The following PIK3C3 variants were observed in gnomAD, a reference collection of about 807,000 sequenced individuals.
The protein encoded by PIK3C3 is PI3-kinase type 3.
A neutral mutation model predicts 126.1 loss-of-function variants in PIK3C3; 95 were observed. That is an observed-to-expected ratio of 0.75 (90% CI 0.64 to 0.89). PIK3C3 has a LOEUF of 0.89. Among genes scored for constraint, PIK3C3 ranks in the 40% least tolerant of loss-of-function variants. The pLI is 0.00. For synonymous variants in PIK3C3, 374 were observed against 360.0 expected (o/e 1.04, Z -0.44); for missense variants, 829 against 1,063.2 (o/e 0.78, Z 3.06).
rs1282303568 is a variant in PIK3C3 at position 42,084,753 on chromosome 18, A to G, written c.*3616A>G. 6.6e-6 allele frequency: 1 copy of G among 152,202 alleles called. No homozygotes were observed. Among genetic ancestry groups the G allele is most frequent in the East Asian group, 1.9e-4 (1 of 5,188 alleles). 9.4% of individuals were successfully genotyped at this position (152,202 alleles called of 1,614,324 possible). A position where few individuals can be genotyped will look rare whatever the true frequency, so the allele number is the denominator to read the frequency against. ...ACTGTAAGAACTAGAGTGGGAATGG[A>G]CATGTCAAAACCTCCTGGGAACCTT... On this transcript the variant is annotated 3_prime_UTR_variant, in exon 25 of 25. Coordinates refer to ENST00000262039, the MANE Select transcript of PIK3C3 (RefSeq NM_002647.4).
chr18:42,053,191 A>T (rs1383079556), intron 21 of PIK3C3, among the ~76,000 whole-genome samples: 1 of 152,208 alleles, frequency 6.6e-6, no homozygotes, highest in Non-Finnish European at 1.5e-5. Context: ...TGATCCAGCT[A>T]AGAACTCTGG....
intron 24 of PIK3C3, chr18:42,070,591 C>G (rs903471930): frequency 3.9e-5 from 6 of 152,046 alleles, no homozygotes; most frequent in Non-Finnish European, 5.9e-5. Flanking sequence ...AATAGAAGGA[C>G]TTTGGTTTAC....
At chr18:42,012,740 C>T (rs997021382) in intron 10 of PIK3C3, among the ~76,000 whole-genome samples, 5 of 152,034 alleles carry the variant, frequency 3.3e-5, no homozygotes, top group African/African-American at 4.8e-5. Flanking sequence ...CCTTTTTAGT[C>T]CAAGTTATCT....
At chr18:42,061,597 C>A (rs1568006448) in intron 22 of PIK3C3, among the ~76,000 whole-genome samples, 1 of 152,018 alleles carries the variant, frequency 6.6e-6, no homozygotes, top group Non-Finnish European at 1.5e-5. Flanking sequence ...AAAAAGTGGC[C>A]TTTAAATTTG....
chr18:42,009,595 A>G (rs971825440), intron 10 of PIK3C3, among the ~76,000 whole-genome samples: 2 of 151,086 alleles, frequency 1.3e-5, no homozygotes, highest in Admixed American at 6.6e-5. Flanking sequence ...AGACTACATT[A>G]TGTAATGTAC....
chr18:41,974,310 G>A (rs953969834), intron 4 of PIK3C3, among the ~76,000 whole-genome samples: 4 of 152,290 alleles, frequency 2.6e-5, no homozygotes, highest in Non-Finnish European at 5.9e-5. Flanking sequence ...AAGTTTGAAA[G>A]CCTGCTTTTC....
rs1385347082 is a variant in PIK3C3 at position 42,084,943 on chromosome 18, A to T, written c.*3806A>T. On this transcript the variant is annotated 3_prime_UTR_variant, in exon 25 of 25. Coordinates refer to ENST00000262039, the MANE Select transcript of PIK3C3 (RefSeq NM_002647.4). ...AGATTCCACAGGCCAGTGTCAGGGAACAGGGGCCAGGGCTGGGAAGGCATA... is the reference window on the plus strand; with the variant it reads ...AGATTCCACAGGCCAGTGTCAGGGATCAGGGGCCAGGGCTGGGAAGGCATA... The T allele has an allele frequency of 6.6e-6, 1 of 152,372 alleles. No individual in the cohort carries two copies. The highest frequency in any genetic ancestry group is 2.1e-4 in the South Asian group (1 of 4,824). The allele number at this position is 152,372 out of a possible 1,614,324, so 9.4% of individuals were successfully genotyped here. A position where few individuals can be genotyped will look rare whatever the true frequency, so the allele number is the denominator to read the frequency against.
intron 9 of PIK3C3, among the ~76,000 whole-genome samples, chr18:42,000,574 T>A (rs1339237242): frequency 6.6e-5 from 10 of 152,116 alleles, no homozygotes; most frequent in Non-Finnish European, 1.5e-4. Flanking sequence ...TACCCCACTT[T>A]TGGTACCAAT....
At chr18:42,053,510 C>G (rs1031583937) in intron 21 of PIK3C3, among the ~76,000 whole-genome samples, 1 of 152,138 alleles carries the variant, frequency 6.6e-6, no homozygotes, top group Admixed American at 6.5e-5. Flanking sequence ...TAGTGCATTA[C>G]TATTGAATTC....
intron 16 of PIK3C3, 131 bp downstream of exon 16, chr18:42,034,088 A>G (rs1983944043): frequency 1.9e-6 from 1 of 523,818 alleles, no homozygotes; most frequent in East Asian, 3.6e-5. Context: ...TAAATGCTAG[A>G]TTGAAGGGTA....
At position 42,040,482 on chromosome 18, in the gene PIK3C3, T is replaced by TA. The variant is rs1011072784; in HGVS notation, c.2039-184dup. On this transcript the variant is annotated intron_variant, in intron 18 of 24. Transcript: ENST00000262039. ...ACATACAGACTAAATCAGCTTAATTTAAAAAAAAAAAGTTTTCTTACAGGT... is the reference window on the plus strand; with the variant it reads ...ACATACAGACTAAATCAGCTTAATTTAAAAAAAAAAAAGTTTTCTTACAGGT... Among the ~76,000 whole-genome samples the TA allele has an allele frequency of 3.4e-3, 500 of 147,604 alleles. 3 individuals are homozygous for TA. Among genetic ancestry groups the TA allele is most frequent in the African/African-American group, 0.011 (444 of 40,432 alleles).
At chr18:42,049,399 A>T in intron 20 of PIK3C3, 132 bp from the exon 21 acceptor site, 1 of 518,650 alleles carries the variant, frequency 1.9e-6, no homozygotes, top group Non-Finnish European at 3.4e-6. Context: ...CATATTTGAG[A>T]ATTCAGATGA....
chr18:41,981,805 C>CA (rs56360707), intron 4 of PIK3C3, among the ~76,000 whole-genome samples: 31,283 of 109,578 alleles, frequency 0.29, 3,684 homozygotes, highest in South Asian at 0.42. Flanking sequence ...ACTAAAAATA[C>CA]AAAAAAAAAA....
chr18:42,004,660 A>G, intron 10 of PIK3C3, 119 bp downstream of exon 10: 2 of 759,466 alleles, frequency 2.6e-6, no homozygotes, highest in East Asian at 2.9e-5. Context: ...TGCAAGAGAG[A>G]TTTTTAGAAG....
At chr18:42,014,767 T>A (rs1380369779) in intron 11 of PIK3C3, among the ~76,000 whole-genome samples, 1 of 152,186 alleles carries the variant, frequency 6.6e-6, no homozygotes, top group Non-Finnish European at 1.5e-5. Context: ...ATTTTTGAAT[T>A]TTTCTTTATG....
intron 1 of PIK3C3, among the ~76,000 whole-genome samples, chr18:41,956,892 A>G (rs1033723109): frequency 6.6e-6 from 1 of 152,224 alleles, no homozygotes; most frequent in African/African-American, 2.4e-5. Flanking sequence ...GAAAGAAAAT[A>G]TAAAATGCCT....
chr18:42,043,854 T>C (rs191339501), intron 20 of PIK3C3, 37 bp downstream of exon 20: 396 of 1,393,864 alleles, frequency 2.8e-4, no homozygotes, highest in Non-Finnish European at 3.7e-4. Context: ...ATTGATCAGA[T>C]AAAGAAGAGC....
At chr18:41,975,940 TC>T (rs1980899669) in intron 4 of PIK3C3, among the ~76,000 whole-genome samples, 1 of 152,206 alleles carries the variant, frequency 6.6e-6, no homozygotes, top group South Asian at 2.1e-4. Context: ...GACCTCGTGA[TC>T]TGCCTGCCTT....
At chr18:41,988,855 A>G (rs1981629394) in intron 5 of PIK3C3, among the ~76,000 whole-genome samples, 1 of 152,170 alleles carries the variant, frequency 6.6e-6, no homozygotes, top group South Asian at 2.1e-4. Flanking sequence ...TTTCAAAAAG[A>G]GTTTACTCAT....
Sources: allele counts gnomAD v4.1 joint callset (sites outside exome capture counted in the v4.1 genomes callset), GRCh38; gene constraint gnomAD v4.1.1; transcripts MANE v1.5; gene names NCBI Gene and HGNC (gene_info 2026-07-23, HGNC 2026-07-21).